ZNF705A: variants seen among roughly 807,000 people sequenced by gnomAD.
The protein encoded by ZNF705A is zinc finger protein 705A.
A neutral mutation model predicts 16.6 loss-of-function variants in ZNF705A; 8 were observed. That is an observed-to-expected ratio of 0.48 (90% CI 0.28 to 0.87). The LOEUF (loss-of-function observed/expected upper bound fraction) is 0.87, where lower values mean the gene tolerates loss of function less well. Among genes scored for constraint, ZNF705A ranks in the 40% least tolerant of loss-of-function variants. The probability of loss-of-function intolerance (pLI) is 0.10; values close to 1 mark genes in which losing one functional copy is unlikely to be tolerated. For synonymous variants in ZNF705A, 73 were observed against 117.3 expected (o/e 0.62, Z 2.44); for missense variants, 233 against 359.9 (o/e 0.65, Z 2.85).
chr12:8,165,504 C>A, intron 1 of ZNF705A, among the ~76,000 whole-genome samples: 1 of 144,026 alleles, frequency 6.9e-6, no homozygotes. Flanking sequence ...TCGTGTTAGC[C>A]AGATCTTTGC....
At chr12:8,175,673 T>C (rs1948479207) in intron 3 of ZNF705A, among the ~76,000 whole-genome samples, 187 bp from the exon 5 acceptor site, 1 of 152,208 alleles carries the variant, frequency 6.6e-6, no homozygotes, top group Non-Finnish European at 1.5e-5. Context: ...CACATTTTAA[T>C]TTTAAAAATC....
In ZNF705A at chr12:8,175,131, C is replaced by G. The variant is rs1224293056; in HGVS notation, c.140-97C>G. On this transcript the variant is annotated intron_variant, in intron 2 of 4. Coordinates refer to ENST00000359286, the Ensembl canonical transcript of ZNF705A. Reference sequence around the variant, plus strand: ...GTCTTGTGGCCTGAGCTGACCTTCACTGTTTTTATTCTTCCTTGATAGCCT... The same window carrying G: ...GTCTTGTGGCCTGAGCTGACCTTCAGTGTTTTTATTCTTCCTTGATAGCCT... 18 of 781,180 alleles carry G rather than the reference C, an allele frequency of 2.3e-5. No homozygotes were observed. In the East Asian group the frequency reaches 4.5e-4, roughly 20 times the overall value. 48.4% of individuals were successfully genotyped at this position (781,180 alleles called of 1,614,324 possible). A position where few individuals can be genotyped will look rare whatever the true frequency, so the allele number is the denominator to read the frequency against.
chr12:8,172,684 G>C, intron 1 of ZNF705A, 47 bp downstream of exon 2: 1 of 1,592,828 alleles, frequency 6.3e-7, no homozygotes, highest in Non-Finnish European at 8.5e-7. Context: ...CCATATTGCT[G>C]GCAAGTGGGC....
intron 1 of ZNF705A, 51 bp downstream of exon 1, chr12:8,157,143 C>T (rs1361461912): frequency 1.0e-5 from 4 of 396,968 alleles, no homozygotes; most frequent in Non-Finnish European, 1.8e-5. Context: ...GTCCACATTC[C>T]TATTCAGCTT....
intron 1 of ZNF705A, among the ~76,000 whole-genome samples, chr12:8,173,202 T>A (rs752928728): frequency 3.3e-5 from 5 of 152,246 alleles, no homozygotes; most frequent in Non-Finnish European, 7.3e-5. Context: ...TAAAATATAT[T>A]TGAGCTTCTA....
At chr12:8,168,835 G>A (rs887641579), upstream of ZNF705A, 1 of 152,090 alleles carries the variant, frequency 6.6e-6, no homozygotes, top group African/African-American at 2.4e-5. Context: ...TTCATTTCCT[G>A]TCACAGATTT....
chr12:8,177,194 T>C (rs752972517), exon 5 of ZNF705A: 1 of 1,612,028 alleles, frequency 6.2e-7, no homozygotes, highest in Non-Finnish European at 8.5e-7. Context: ...AGGTAAATCA[T>C]ATCAATGTAA....
At chr12:8,158,610 G>A (rs1224820932) in intron 1 of ZNF705A, among the ~76,000 whole-genome samples, 2 of 151,828 alleles carry the variant, frequency 1.3e-5, no homozygotes, top group East Asian at 3.9e-4. Flanking sequence ...TATTTATGTG[G>A]AAGTATTTTT....
intron 1 of ZNF705A, among the ~76,000 whole-genome samples, chr12:8,157,628 G>T (rs906397002): frequency 6.6e-6 from 1 of 152,160 alleles, no homozygotes; most frequent in African/African-American, 2.4e-5. Context: ...TGGGTGAATT[G>T]AAGGAGTATA....
upstream of ZNF705A, chr12:8,172,425 C>T (rs930750740): frequency 2.5e-5 from 19 of 765,902 alleles, no homozygotes; most frequent in Admixed American, 1.7e-4. Flanking sequence ...GAGGCCTCTG[C>T]GTGTTTGTGT....
upstream of ZNF705A, among the ~76,000 whole-genome samples, chr12:8,170,068 C>T (rs1301867276): frequency 3.3e-5 from 5 of 151,924 alleles, no homozygotes; most frequent in Non-Finnish European, 7.4e-5. Context: ...GCATGCCTGT[C>T]ATCCCAGCTA....
chr12:8,161,382 C>T (rs1040444715), intron 1 of ZNF705A, among the ~76,000 whole-genome samples: 12 of 152,012 alleles, frequency 7.9e-5, no homozygotes, highest in Admixed American at 4.6e-4. Context: ...GGATTGGTAC[C>T]AGTTCTTTTT....
At chr12:8,159,022 C>T (rs1293735102) in intron 1 of ZNF705A, among the ~76,000 whole-genome samples, 1 of 152,098 alleles carries the variant, frequency 6.6e-6, no homozygotes, top group Non-Finnish European at 1.5e-5. Context: ...GCCTTGTGTC[C>T]TCCTGGCTTA....
intron 1 of ZNF705A, among the ~76,000 whole-genome samples, chr12:8,163,130 A>G (rs143829449): frequency 0.07 from 10,694 of 152,130 alleles, 1,046 homozygotes; most frequent in African/African-American, 0.22. Context: ...CTCTAGATCT[A>G]TTACTAACTG....
intron 1 of ZNF705A, among the ~76,000 whole-genome samples, chr12:8,166,238 C>G (rs1948398186): frequency 6.6e-6 from 1 of 152,218 alleles, no homozygotes; most frequent in Non-Finnish European, 1.5e-5. Context: ...AGACATTCGC[C>G]ATGAAGTCTC....
intron 1 of ZNF705A, 37 bp downstream of exon 1, chr12:8,157,129 T>C (rs1948316522): frequency 5.0e-6 from 2 of 397,592 alleles, no homozygotes; most frequent in Non-Finnish European, 4.4e-6. Context: ...CTTCCTGTTC[T>C]AATGTCCACA....
At chr12:8,162,492 T>C (rs1948363890) in intron 1 of ZNF705A, among the ~76,000 whole-genome samples, 1 of 152,114 alleles carries the variant, frequency 6.6e-6, no homozygotes, top group African/African-American at 2.4e-5. Context: ...CCAGAAGAGA[T>C]AGCAGTTGTT....
intron 1 of ZNF705A, among the ~76,000 whole-genome samples, chr12:8,160,806 A>G (rs892527119): frequency 1.3e-5 from 2 of 152,082 alleles, no homozygotes; most frequent in African/African-American, 2.4e-5. Context: ...ACTGATTTGG[A>G]TGCCCTTTAT....
At chr12:8,158,715 C>T (rs1228233777) in intron 1 of ZNF705A, among the ~76,000 whole-genome samples, 1 of 152,048 alleles carries the variant, frequency 6.6e-6, no homozygotes, top group East Asian at 1.9e-4. Flanking sequence ...ATATGCCAAA[C>T]ATCTGATGAA....
Sources: allele counts gnomAD v4.1 joint callset (sites outside exome capture counted in the v4.1 genomes callset), GRCh38; gene constraint gnomAD v4.1.1; transcripts MANE v1.5; gene names NCBI Gene and HGNC (gene_info 2026-07-23, HGNC 2026-07-21).